Variants in LDLRAD3 observed in about 807,000 individuals in gnomAD.
The protein encoded by LDLRAD3 is low-density lipoprotein receptor class A domain-containing protein 3.
Under a neutral mutation model 29.4 loss-of-function variants are expected in LDLRAD3, and 20 were observed. The observed-to-expected ratio is 0.68, with a 90% CI of 0.48 to 0.99. The LOEUF is 0.99. LDLRAD3 is among the 50% of genes least tolerant of loss of function. The pLI is 0.00. For synonymous variants in LDLRAD3, 157 were observed against 192.7 expected (o/e 0.81, Z 1.53); for missense variants, 420 against 454.3 (o/e 0.92, Z 0.69).
At chr11:36,063,560 A>G (rs1236179654) in intron 2 of LDLRAD3, among the ~76,000 whole-genome samples, 1 of 152,208 alleles carries the variant, frequency 6.6e-6, no homozygotes, top group Non-Finnish European at 1.5e-5. Context: ...TTCAAGGTTC[A>G]TCTGTGTTGT....
At chr11:35,981,934 G>A (rs1003936089) in intron 1 of LDLRAD3, among the ~76,000 whole-genome samples, 4 of 152,176 alleles carry the variant, frequency 2.6e-5, no homozygotes, top group African/African-American at 7.2e-5. Flanking sequence ...TTACTTGGCC[G>A]TGTAGCCTGG....
chr11:36,121,622 G>C (rs777372037), intron 4 of LDLRAD3, among the ~76,000 whole-genome samples: 6 of 152,250 alleles, frequency 3.9e-5, no homozygotes, highest in Non-Finnish European at 8.8e-5. Flanking sequence ...TGGAGAAGTA[G>C]TATCGCAAAA....
chr11:36,081,905 G>C, intron 3 of LDLRAD3, 127 bp downstream of exon 3: 1 of 1,118,432 alleles, frequency 8.9e-7, no homozygotes, highest in South Asian at 1.6e-5. Context: ...CTGTTACCCA[G>C]ATTCTGTTCT....
chr11:36,049,151 C>A (rs974038272), intron 2 of LDLRAD3, among the ~76,000 whole-genome samples: 6 of 152,128 alleles, frequency 3.9e-5, no homozygotes, highest in Non-Finnish European at 8.8e-5. Flanking sequence ...AAAATATAGT[C>A]AGTGGTAATA....
intron 1 of LDLRAD3, among the ~76,000 whole-genome samples, chr11:35,975,983 G>A (rs534018349): frequency 6.6e-6 from 1 of 152,192 alleles, no homozygotes; most frequent in South Asian, 2.1e-4. Flanking sequence ...AAGATACCCT[G>A]GGCAGGTTGG....
chr11:36,079,817 C>T (rs184111188), intron 2 of LDLRAD3, among the ~76,000 whole-genome samples: 10 of 152,268 alleles, frequency 6.6e-5, no homozygotes, highest in South Asian at 2.1e-4. Flanking sequence ...TTGTTCTCCC[C>T]GACTTGGGCC....
intron 4 of LDLRAD3, among the ~76,000 whole-genome samples, chr11:36,131,284 C>T (rs1009156553): frequency 2.6e-5 from 4 of 152,180 alleles, no homozygotes; most frequent in South Asian, 2.1e-4. Flanking sequence ...CAGCAGCAGA[C>T]GCATCTCAAA....
At chr11:36,078,231 C>T (rs927162938) in intron 2 of LDLRAD3, among the ~76,000 whole-genome samples, 40 of 152,202 alleles carry the variant, frequency 2.6e-4, no homozygotes, top group Non-Finnish European at 7.3e-5. Context: ...GGCCCTCAGG[C>T]CTCAGGCCTT....
chr11:36,179,696 T>G (rs1034766243), intron 4 of LDLRAD3, among the ~76,000 whole-genome samples: 1 of 151,568 alleles, frequency 6.6e-6, no homozygotes, highest in African/African-American at 2.4e-5. Flanking sequence ...AGGGAGTGAA[T>G]AAAACAACGG....
intron 4 of LDLRAD3, among the ~76,000 whole-genome samples, chr11:36,152,850 A>G (rs576378613): frequency 6.6e-6 from 1 of 152,222 alleles, no homozygotes; most frequent in Non-Finnish European, 1.5e-5. Flanking sequence ...GAGTACAAGT[A>G]TATGCTGAGT....
chr11:36,124,249 C>T (rs1164738203), intron 4 of LDLRAD3, among the ~76,000 whole-genome samples: 1 of 152,146 alleles, frequency 6.6e-6, no homozygotes, highest in Non-Finnish European at 1.5e-5. Context: ...GTCTCACTTC[C>T]CCTACTAAAA....
intron 4 of LDLRAD3, among the ~76,000 whole-genome samples, chr11:36,190,076 GA>G (rs1339784695): frequency 7.3e-6 from 1 of 137,278 alleles, no homozygotes; most frequent in African/African-American, 2.6e-5. Context: ...GGGGAGGGGG[GA>G]GGGGAGGAGG....
rs527586603 is a variant in LDLRAD3 at position 36,124,816 on chromosome 11, C to T, written c.454+26355C>T. On this transcript the variant is annotated intron_variant, in intron 4 of 5. Coordinates refer to ENST00000315571, the MANE Select transcript of LDLRAD3 (RefSeq NM_174902.4). ...AAGCAATTCTCATGCCTCAGACTCC[C>T]GAGTAGCTGGGATTACAGGCTTGTG... Among the ~76,000 whole-genome samples the T allele has an allele frequency of 1.2e-4, 18 of 152,058 alleles. No homozygotes were observed. The South Asian group carries it at 3.8e-3, about 32-fold the overall frequency.
At chr11:35,951,653 C>T (rs1285584051) in intron 1 of LDLRAD3, among the ~76,000 whole-genome samples, 2 of 152,192 alleles carry the variant, frequency 1.3e-5, no homozygotes, top group African/African-American at 2.4e-5. Context: ...ATATTTGCTT[C>T]ACTATTATCA....
At chr11:36,118,448 T>C (rs1312484311) in intron 4 of LDLRAD3, among the ~76,000 whole-genome samples, 1 of 151,832 alleles carries the variant, frequency 6.6e-6, no homozygotes, top group African/African-American at 2.4e-5. Context: ...ATTACTACTG[T>C]GCCATTTGAC....
chr11:36,183,604 C>T (rs1232198079), intron 4 of LDLRAD3, among the ~76,000 whole-genome samples: 7 of 152,134 alleles, frequency 4.6e-5, no homozygotes, highest in Admixed American at 4.6e-4. Flanking sequence ...AGATGGACAC[C>T]ACACCTGCTA....
chr11:36,229,091 C>G lies in LDLRAD3; in HGVS notation c.801-69C>G. On this transcript the variant is annotated intron_variant, in intron 5 of 5. Transcript: ENST00000315571. ...CAGAAATGGGCTGAAGTTGGCTTAT[C>G]TTGGCCCTAATGTGTTCTCTTCTCT... 5.5e-6 allele frequency: 6 copies of G among 1,096,790 alleles called. No individual in the cohort carries two copies. In the South Asian group the frequency reaches 8.1e-5, roughly 15 times the overall value. 67.9% of individuals were successfully genotyped at this position (1,096,790 alleles called of 1,614,324 possible).
Position 36,128,427 on chromosome 11 carries a change from G to A in LDLRAD3, c.454+29966G>A, listed in dbSNP as rs983177622. 5.3e-5 allele frequency among the ~76,000 whole-genome samples: 8 copies of A among 152,008 alleles called. 1 individual carries two copies. Among genetic ancestry groups the A allele is most frequent in the South Asian group, 2.1e-4 (1 of 4,824 alleles). The stretch of plus-strand genomic sequence containing the variant: ...TGCACAGATGCTCCCCCTGGGACTC[G>A]TGGGTAGAGATGCCAGAGGGTGCCA... On this transcript the variant is annotated intron_variant, in intron 4 of 5. Coordinates refer to ENST00000315571, the MANE Select transcript of LDLRAD3 (RefSeq NM_174902.4).
At chr11:36,046,152 T>G (rs1463937242) in intron 2 of LDLRAD3, among the ~76,000 whole-genome samples, 1 of 152,184 alleles carries the variant, frequency 6.6e-6, no homozygotes. Context: ...CTCATTCTTT[T>G]TTATGGCTGC....
Sources: gnomAD v4.1 joint callset for allele counts (sites outside exome capture counted in the v4.1 genomes callset) on GRCh38, gnomAD v4.1.1 for gene constraint, MANE v1.5 for transcripts, NCBI Gene and HGNC (gene_info 2026-07-23, HGNC 2026-07-21) for gene names.